The following PTPRM variants were observed in gnomAD, a reference collection of about 807,000 sequenced individuals.
PTPRM encodes protein tyrosine phosphatase receptor type M.
A neutral mutation model predicts 186.7 loss-of-function variants in PTPRM; 47 were observed. That is an observed-to-expected ratio of 0.25 (90% confidence interval 0.20 to 0.32). PTPRM has a LOEUF of 0.32. PTPRM is among the 10% of genes least tolerant of loss of function. The pLI, the probability that PTPRM is intolerant of heterozygous loss-of-function variation, is 1.00. For synonymous variants in PTPRM, 668 were observed against 674.9 expected (o/e 0.99, Z 0.16); for missense variants, 1,494 against 1,865.0 (o/e 0.80, Z 3.66).
intron 1 of PTPRM, among the ~76,000 whole-genome samples, chr18:7,676,934 G>A (rs1273319627): frequency 6.6e-6 from 1 of 152,128 alleles, no homozygotes; most frequent in Non-Finnish European, 1.5e-5. Context: ...TCTATGCTTT[G>A]CTGTTTTGCC....
intron 7 of PTPRM, among the ~76,000 whole-genome samples, chr18:7,990,880 A>G (rs1288068381): frequency 6.6e-6 from 1 of 152,146 alleles, no homozygotes; most frequent in African/African-American, 2.4e-5. Flanking sequence ...TCAGTGTGCC[A>G]GGTTTTGTAG....
At chr18:8,283,254 A>G (rs2094923337) in intron 19 of PTPRM, among the ~76,000 whole-genome samples, 1 of 152,258 alleles carries the variant, frequency 6.6e-6, no homozygotes, top group Non-Finnish European at 1.5e-5. Context: ...ACCGAGGAAT[A>G]AATGGAAGCT....
At chr18:8,345,657 T>G (rs1167774283) in intron 23 of PTPRM, among the ~76,000 whole-genome samples, 4 of 151,078 alleles carry the variant, frequency 2.6e-5, no homozygotes, top group African/African-American at 9.7e-5. Context: ...ATATAACATT[T>G]TATAAATATA....
At chr18:8,363,099 C>T (rs1350524576) in intron 23 of PTPRM, among the ~76,000 whole-genome samples, 1 of 152,222 alleles carries the variant, frequency 6.6e-6, no homozygotes, top group Non-Finnish European at 1.5e-5. Context: ...GAATGACTGG[C>T]AGGACAGCCT....
chr18:7,713,475 A>G (rs868345996), intron 1 of PTPRM, among the ~76,000 whole-genome samples: 3 of 152,248 alleles, frequency 2.0e-5, no homozygotes, highest in Admixed American at 1.3e-4. Flanking sequence ...CGGGCAAAAT[A>G]ACACAGCTAG....
intron 6 of PTPRM, among the ~76,000 whole-genome samples, chr18:7,951,859 A>G (rs1034121056): frequency 6.6e-6 from 1 of 152,284 alleles, no homozygotes; most frequent in East Asian, 1.9e-4. Flanking sequence ...ACACTTTTTT[A>G]TATACCATAT....
chr18:7,738,370 G>A (rs749362277), intron 1 of PTPRM, among the ~76,000 whole-genome samples: 1 of 152,142 alleles, frequency 6.6e-6, no homozygotes, highest in Non-Finnish European at 1.5e-5. Context: ...AGAAGTGGAG[G>A]CCAGTTGGCG....
chr18:8,108,209 A>G (rs1472444580), intron 11 of PTPRM, among the ~76,000 whole-genome samples: 1 of 152,122 alleles, frequency 6.6e-6, no homozygotes, highest in South Asian at 2.1e-4. Context: ...CTTTTTATAC[A>G]TATATAATGG....
At chr18:7,580,155 ATGAGGAT>A (rs1183104154) in intron 1 of PTPRM, among the ~76,000 whole-genome samples, 1 of 152,222 alleles carries the variant, frequency 6.6e-6, no homozygotes, top group Non-Finnish European at 1.5e-5. Context: ...CTTAAAGAGT[ATGAGGAT>A]TGTCATCAGC....
At chr18:8,043,828 G>A (rs1020661305) in intron 7 of PTPRM, among the ~76,000 whole-genome samples, 1 of 152,182 alleles carries the variant, frequency 6.6e-6, no homozygotes, top group African/African-American at 2.4e-5. Context: ...AGGAAGGGGA[G>A]GGGGCGAGCT....
chr18:7,616,666 T>C (rs954634981), intron 1 of PTPRM, among the ~76,000 whole-genome samples: 1 of 152,132 alleles, frequency 6.6e-6, no homozygotes, highest in African/African-American at 2.4e-5. Context: ...TTCCTCTTTG[T>C]CTCCCATCCC....
At chr18:8,071,655 C>A (rs996289371) in intron 8 of PTPRM, among the ~76,000 whole-genome samples, 2 of 152,196 alleles carry the variant, frequency 1.3e-5, no homozygotes, top group Admixed American at 1.3e-4. Flanking sequence ...GAGTGCTGGT[C>A]CCTGTGCCTG....
At chr18:7,803,874 T>C (rs1200025686) in intron 2 of PTPRM, among the ~76,000 whole-genome samples, 1 of 152,148 alleles carries the variant, frequency 6.6e-6, no homozygotes, top group Non-Finnish European at 1.5e-5. Context: ...TTATCGGAGC[T>C]TAACCCGAAA....
At chr18:8,160,430 C>T (rs1455466020) in intron 14 of PTPRM, among the ~76,000 whole-genome samples, 4 of 152,124 alleles carry the variant, frequency 2.6e-5, no homozygotes, top group African/African-American at 4.8e-5. Flanking sequence ...TGCAGACATG[C>T]GCCACCACGC....
intron 5 of PTPRM, among the ~76,000 whole-genome samples, chr18:7,941,734 C>T (rs2146963492): frequency 6.6e-6 from 1 of 152,328 alleles, no homozygotes; most frequent in Non-Finnish European, 1.5e-5. Context: ...ACTCTGGTCG[C>T]TTGCATGTTT....
intron 1 of PTPRM, among the ~76,000 whole-genome samples, chr18:7,707,740 G>C (rs1260940655): frequency 6.6e-6 from 1 of 152,170 alleles, no homozygotes. Flanking sequence ...GAAGCAGATA[G>C]AGTGGGATTA....
chr18:8,113,646 G>A lies in PTPRM; in HGVS notation c.2017G>A (p.Ala673Thr), dbSNP rs746276762. ...AEFPADSLQA[A>T]QPFTIGDNKT... ...ATTTCCTGCAGACAGCCTCCAAGCT[G>A]CGCAGCCTTTTACAATTGGTGATAA... The change falls in exon 12 of 33, where the codon GCG becomes ACG. Residue 673 changes from alanine (A) to threonine (T), a missense_variant. Transcript: ENST00000580170. The A allele has an allele frequency of 2.5e-6, 4 of 1,614,070 alleles. No homozygotes were observed. Among genetic ancestry groups the A allele is most frequent in the African/African-American group, 2.7e-5 (2 of 75,034 alleles).
At chr18:8,038,628 G>C (rs2086495546) in intron 7 of PTPRM, among the ~76,000 whole-genome samples, 1 of 152,174 alleles carries the variant, frequency 6.6e-6, no homozygotes, top group Non-Finnish European at 1.5e-5. Flanking sequence ...CTAGCCTGAA[G>C]TGACTCACCC....
intron 7 of PTPRM, among the ~76,000 whole-genome samples, chr18:8,033,841 T>G (rs1406369643): frequency 2.0e-5 from 3 of 152,224 alleles, no homozygotes; most frequent in Admixed American, 2.0e-4. Flanking sequence ...AACAGAAATT[T>G]ATTCTCACAC....
Sources: allele counts gnomAD v4.1 joint callset (sites outside exome capture counted in the v4.1 genomes callset), GRCh38; gene constraint gnomAD v4.1.1; transcripts MANE v1.5; gene names NCBI Gene and HGNC (gene_info 2026-07-23, HGNC 2026-07-21).